Variants in RBFOX1 observed in about 807,000 individuals in gnomAD.
RBFOX1 encodes the protein RNA binding protein fox-1 homolog 1.
Under a neutral mutation model 57.7 loss-of-function variants are expected in RBFOX1, and 8 were observed. The ratio of observed to expected loss-of-function variants is 0.14; its 90% confidence interval spans 0.08 to 0.25. The LOEUF is 0.25. Ranked by LOEUF, RBFOX1 falls within the 10% of genes least tolerant of loss-of-function variation. The probability of loss-of-function intolerance (pLI) is 1.00; values close to 1 mark genes in which losing one functional copy is unlikely to be tolerated. For missense variants in RBFOX1, 611 were observed against 548.5 expected (o/e 1.11, Z -1.14); for synonymous variants, 326 against 222.4 (o/e 1.47, Z -4.15).
intron 11 of RBFOX1, among the ~76,000 whole-genome samples, chr16:7,642,099 C>T (rs1203028252): frequency 6.6e-6 from 1 of 151,952 alleles, no homozygotes; most frequent in South Asian, 2.1e-4. Context: ...TGGGGGAGAC[C>T]CTGTCTCAAA....
chr16:7,125,031 C>G (rs768926910), intron 4 of RBFOX1, among the ~76,000 whole-genome samples: 6 of 152,048 alleles, frequency 3.9e-5, no homozygotes, highest in African/African-American at 1.4e-4. Flanking sequence ...AGGGGGCCGG[C>G]TTATTAAGAG....
chr16:6,521,722 T>C (rs2096502996), intron 2 of RBFOX1, among the ~76,000 whole-genome samples: 1 of 151,976 alleles, frequency 6.6e-6, no homozygotes, highest in Non-Finnish European at 1.5e-5. Flanking sequence ...GAAAAAAAAA[T>C]TGCAAAATTT....
intron 3 of RBFOX1, among the ~76,000 whole-genome samples, chr16:6,685,965 G>C (rs2059383784): frequency 2.0e-5 from 3 of 152,080 alleles, no homozygotes; most frequent in African/African-American, 7.2e-5. Flanking sequence ...ATTCCAACGT[G>C]ACAAAACCAA....
At chr16:5,609,965 G>A (rs891386845) in intron 3 of RBFOX1, among the ~76,000 whole-genome samples, 1 of 152,096 alleles carries the variant, frequency 6.6e-6, no homozygotes. Context: ...TCTCTGCAAC[G>A]TTTTCCTTGA....
At chr16:6,579,843 C>G (rs573028928) in intron 2 of RBFOX1, among the ~76,000 whole-genome samples, 8 of 152,204 alleles carry the variant, frequency 5.3e-5, no homozygotes, top group African/African-American at 1.9e-4. Flanking sequence ...ATATCAGCCT[C>G]CTAAAGTGCT....
At chr16:7,309,625 T>C (rs1055168180) in intron 4 of RBFOX1, among the ~76,000 whole-genome samples, 2 of 152,128 alleles carry the variant, frequency 1.3e-5, no homozygotes, top group African/African-American at 4.8e-5. Flanking sequence ...TAGACAGTCT[T>C]TTTTAGGGTT....
At chr16:6,849,580 A>C (rs1198522691) in intron 3 of RBFOX1, among the ~76,000 whole-genome samples, 1 of 152,172 alleles carries the variant, frequency 6.6e-6, no homozygotes, top group African/African-American at 2.4e-5. Flanking sequence ...GAGACAGGAG[A>C]ATTGCTTGAA....
At chr16:7,492,745 A>G (rs955241992) in intron 4 of RBFOX1, among the ~76,000 whole-genome samples, 3 of 152,088 alleles carry the variant, frequency 2.0e-5, no homozygotes, top group Non-Finnish European at 2.9e-5. Flanking sequence ...TGACTGTTTA[A>G]AAGCGGTTGG....
intron 1 of RBFOX1, among the ~76,000 whole-genome samples, chr16:6,285,901 A>T (rs2076857600): frequency 6.6e-6 from 1 of 152,188 alleles, no homozygotes; most frequent in African/African-American, 2.4e-5. Flanking sequence ...ACAATAAATC[A>T]TCAGTCACAT....
At chr16:6,149,854 G>C (rs907133976) in intron 1 of RBFOX1, among the ~76,000 whole-genome samples, 2 of 152,222 alleles carry the variant, frequency 1.3e-5, no homozygotes, top group Non-Finnish European at 2.9e-5. Flanking sequence ...GAATCTTCAT[G>C]AAAGTGGTTT....
At chr16:7,448,927 G>GTTTTTTTTTTTTTTTTTTTT (rs71147700) in intron 4 of RBFOX1, among the ~76,000 whole-genome samples, 1 of 82,978 alleles carries the variant, frequency 1.2e-5, no homozygotes, top group Non-Finnish European at 2.2e-5. Context: ...TCTTTCCCCT[G>GTTTTTTTTTTTTTTTTTTTT]TTTTTTTTTT....
At chr16:5,918,737 A>G (rs947729097) in intron 4 of RBFOX1, among the ~76,000 whole-genome samples, 12 of 152,254 alleles carry the variant, frequency 7.9e-5, no homozygotes, top group Non-Finnish European at 1.3e-4. Flanking sequence ...GTGAATTTGC[A>G]TAAGACTTCC....
chr16:5,421,435 T>C (rs2067323361), intron 1 of RBFOX1, among the ~76,000 whole-genome samples: 1 of 152,280 alleles, frequency 6.6e-6, no homozygotes, highest in Middle Eastern at 3.4e-3. Context: ...AGCTTGGCCT[T>C]GGGGGTGTCC....
At chr16:6,115,842 G>C (rs1567492123) in intron 1 of RBFOX1, among the ~76,000 whole-genome samples, 1 of 152,164 alleles carries the variant, frequency 6.6e-6, no homozygotes, top group Non-Finnish European at 1.5e-5. Flanking sequence ...CTCCTGAGCT[G>C]TGGTATTCTC....
At chr16:6,885,672 C>T (rs540763019) in intron 3 of RBFOX1, among the ~76,000 whole-genome samples, 39 of 152,164 alleles carry the variant, frequency 2.6e-4, no homozygotes, top group Admixed American at 1.6e-3. Context: ...GCTGGGATTA[C>T]AGGCCCCTGC....
At chr16:6,865,548 G>C (rs34574382) in intron 3 of RBFOX1, among the ~76,000 whole-genome samples, 11,350 of 152,130 alleles carry the variant, frequency 0.075, 496 homozygotes, top group South Asian at 0.17. Context: ...ATTGTATCAG[G>C]TGGTAGAAAT....
intron 3 of RBFOX1, among the ~76,000 whole-genome samples, chr16:6,673,850 A>T (rs2098783679): frequency 6.6e-6 from 1 of 152,202 alleles, no homozygotes; most frequent in Non-Finnish European, 1.5e-5. Flanking sequence ...TAGAGAGAAA[A>T]GTAGTTACAG....
At chr16:7,494,895 G>A (rs529700159) in intron 4 of RBFOX1, among the ~76,000 whole-genome samples, 147 of 137,994 alleles carry the variant, frequency 1.1e-3, no homozygotes, top group Admixed American at 1.8e-3. Flanking sequence ...GGAGGTACAT[G>A]TGTAGGATTG....
chr16:7,273,252 T>TTCCTC (rs2095372429), intron 4 of RBFOX1, among the ~76,000 whole-genome samples: 2 of 96,494 alleles, frequency 2.1e-5, no homozygotes, highest in African/African-American at 4.9e-5. Flanking sequence ...CTTCCTTCCT[T>TTCCTC]CCTTCCTTCC....
Sources: gnomAD v4.1 joint callset for allele counts (sites outside exome capture counted in the v4.1 genomes callset) on GRCh38, gnomAD v4.1.1 for gene constraint, MANE v1.5 for transcripts, NCBI Gene and HGNC (gene_info 2026-07-23, HGNC 2026-07-21) for gene names.